Variants in PTPRN2 observed in about 807,000 individuals in gnomAD.
PTPRN2 encodes protein tyrosine phosphatase receptor type N2, also known as receptor-type tyrosine-protein phosphatase N2.
In PTPRN2, 74 loss-of-function variants were observed where a neutral mutation model predicts 118.8. That is an observed-to-expected ratio of 0.62 (90% CI 0.52 to 0.76). The LOEUF is 0.76. Among genes scored for constraint, PTPRN2 ranks in the 30% least tolerant of loss-of-function variants. The pLI, the probability that PTPRN2 is intolerant of heterozygous loss-of-function variation, is 0.00. For synonymous variants in PTPRN2, 641 were observed against 608.0 expected, an observed-to-expected ratio of 1.05 and a Z score of -0.80; for missense variants, 1,481 against 1,394.4, an observed-to-expected ratio of 1.06 and a Z score of -0.99.
intron 12 of PTPRN2, among the ~76,000 whole-genome samples, chr7:157,789,888 T>C: frequency 6.7e-6 from 1 of 149,436 alleles, no homozygotes. Flanking sequence ...TGTGCAGGTA[T>C]GTGTGTGGTA....
intron 1 of PTPRN2, among the ~76,000 whole-genome samples, chr7:158,494,338 G>A (rs1265667617): frequency 6.6e-6 from 1 of 152,254 alleles, no homozygotes; most frequent in Non-Finnish European, 1.5e-5. Context: ...CCCTTCCTGG[G>A]TTCAGGCTTC....
rs79780447 is a variant in PTPRN2 at position 157,977,341 on chromosome 7, G to A, written c.1724-78604C>T. The stretch of plus-strand genomic sequence containing the variant: ...TTCTGATCAGGGCTCTGAGCTCTGC[G>A]TCAAGTGGGAGGGGTTAATGTGCTC... On this transcript the variant is annotated intron_variant, in intron 11 of 22. Coordinates refer to ENST00000389418, the MANE Select transcript of PTPRN2 (RefSeq NM_002847.5). The surrounding 1 kb of genome is among the most constrained non-coding windows in gnomAD (Gnocchi z 4.6). Among the ~76,000 whole-genome samples, 593 of 152,006 alleles carry A rather than the reference G, an allele frequency of 3.9e-3. 5 individuals carry two copies. Among genetic ancestry groups the A allele is most frequent in the African/African-American group, 0.014 (562 of 41,536 alleles).
chr7:158,171,332 T>TAA, intron 5 of PTPRN2, among the ~76,000 whole-genome samples: 1 of 122,808 alleles, frequency 8.1e-6, no homozygotes, highest in South Asian at 2.5e-4. Context: ...TATATATATA[T>TAA]ATATATATAT....
intron 11 of PTPRN2, among the ~76,000 whole-genome samples, chr7:158,011,339 A>G (rs1010221996): frequency 3.9e-5 from 6 of 152,228 alleles, no homozygotes; most frequent in Non-Finnish European, 7.3e-5. Flanking sequence ...CCTCTTCTCT[A>G]TCATCTTTGT....
chr7:158,292,339 A>G (rs759167699), intron 3 of PTPRN2, among the ~76,000 whole-genome samples: 6 of 152,230 alleles, frequency 3.9e-5, no homozygotes, highest in Non-Finnish European at 8.8e-5. Context: ...TTCCATTAAC[A>G]CTAAAGAATG....
intron 2 of PTPRN2, among the ~76,000 whole-genome samples, chr7:158,488,869 C>A (rs1485762236): frequency 6.6e-6 from 1 of 152,258 alleles, no homozygotes; most frequent in Non-Finnish European, 1.5e-5. Flanking sequence ...TGGAGAAAGG[C>A]GGCTCCGCCC....
At chr7:158,063,923 C>T (rs1175878900) in intron 11 of PTPRN2, among the ~76,000 whole-genome samples, 1 of 152,190 alleles carries the variant, frequency 6.6e-6, no homozygotes, top group African/African-American at 2.4e-5. Flanking sequence ...CACTTACACA[C>T]ATATGTATGT....
intron 11 of PTPRN2, among the ~76,000 whole-genome samples, chr7:158,050,913 A>G (rs1322960730): frequency 6.6e-6 from 1 of 152,198 alleles, no homozygotes; most frequent in Non-Finnish European, 1.5e-5. Flanking sequence ...CTCCCGCTGG[A>G]AGTGCTCTCC....
intron 2 of PTPRN2, among the ~76,000 whole-genome samples, chr7:158,471,674 C>T (rs1027078044): frequency 1.3e-5 from 2 of 151,560 alleles, no homozygotes; most frequent in East Asian, 1.9e-4. Context: ...GGGGACAGAG[C>T]GAGACTCCGT....
At chr7:158,403,567 C>A (rs1047111040) in intron 2 of PTPRN2, among the ~76,000 whole-genome samples, 2 of 152,238 alleles carry the variant, frequency 1.3e-5, no homozygotes, top group African/African-American at 4.8e-5. Flanking sequence ...CTCCAAGGGC[C>A]ACTCTGGTGG....
At chr7:157,546,920 C>T (rs1474933449) in intron 22 of PTPRN2, among the ~76,000 whole-genome samples, 1 of 152,196 alleles carries the variant, frequency 6.6e-6, no homozygotes, top group Non-Finnish European at 1.5e-5. Context: ...GGAGGGTTTG[C>T]TCCTTGTGAT....
intron 3 of PTPRN2, among the ~76,000 whole-genome samples, chr7:158,313,140 G>T (rs560719193): frequency 2.0e-5 from 3 of 152,284 alleles, no homozygotes; most frequent in African/African-American, 7.2e-5. Context: ...GTCTACACGT[G>T]AGCATGTGAA....
chr7:157,852,625 C>A (rs552050295), intron 12 of PTPRN2, among the ~76,000 whole-genome samples: 128 of 152,230 alleles, frequency 8.4e-4, no homozygotes, highest in African/African-American at 3.0e-3. Context: ...AATCCCAGCA[C>A]TTTGGGAGGC....
intron 1 of PTPRN2, among the ~76,000 whole-genome samples, chr7:158,498,054 G>A (rs1822083665): frequency 6.6e-6 from 1 of 152,278 alleles, no homozygotes; most frequent in African/African-American, 2.4e-5. Flanking sequence ...CATCACAACG[G>A]TGATGTGTGT....
intron 12 of PTPRN2, among the ~76,000 whole-genome samples, chr7:157,696,213 G>A (rs13309970): frequency 3.3e-5 from 4 of 121,220 alleles, no homozygotes; most frequent in East Asian, 2.7e-4. Context: ...ACTGGGTCTT[G>A]GCAGAGCCCT....
chr7:158,447,769 G>T (rs1189867441), intron 2 of PTPRN2, among the ~76,000 whole-genome samples: 1 of 152,264 alleles, frequency 6.6e-6, no homozygotes, highest in Non-Finnish European at 1.5e-5. Context: ...CCAGGGAGCT[G>T]ACCTCTCTGC....
At chr7:158,369,268 T>TACACAC (rs59470664) in intron 2 of PTPRN2, among the ~76,000 whole-genome samples, 4 of 144,870 alleles carry the variant, frequency 2.8e-5, no homozygotes, top group African/African-American at 1.0e-4. Context: ...TATACACACA[T>TACACAC]ACACACACAC....
rs1239258667 is a variant in PTPRN2 at position 157,729,607 on chromosome 7, C to T, written c.1789-46670G>A. ...AAAAGGAGCTCTGCAGTGCCTGAGA[C>T]CTGCAAAGGGCCATCCTGGGGTCCG... On this transcript the variant is annotated intron_variant, in intron 12 of 22. Transcript: ENST00000389418. This position sits in a 1 kb window ranked among gnomAD's most constrained non-coding sequence, Gnocchi z 4.3. Among the ~76,000 whole-genome samples, 1 of 152,192 alleles carries T rather than the reference C, an allele frequency of 6.6e-6. No individual in the cohort carries two copies. Among genetic ancestry groups the T allele is most frequent in the African/African-American group, 2.4e-5 (1 of 41,444 alleles).
Position 157,986,482 on chromosome 7 carries a change from C to T in PTPRN2, c.1724-87745G>A, listed in dbSNP as rs954994737. Among the ~76,000 whole-genome samples the T allele has an allele frequency of 8.5e-5, 13 of 152,150 alleles. No individual in the cohort carries two copies. Among genetic ancestry groups the T allele is most frequent in the Middle Eastern group, 3.4e-3 (1 of 294 alleles). On this transcript the variant is annotated intron_variant, in intron 11 of 22. Coordinates refer to ENST00000389418, the MANE Select transcript of PTPRN2 (RefSeq NM_002847.5). This position sits in a 1 kb window ranked among gnomAD's most constrained non-coding sequence, Gnocchi z 4.5. ...GCTGGAGGTCAGAACTGGCTGCATC[C>T]GTCTCCATCTCCCCAAGCACAGGCC... is the stretch of plus-strand genomic sequence containing the variant.
Sources: allele counts gnomAD v4.1 joint callset (sites outside exome capture counted in the v4.1 genomes callset), GRCh38; gene constraint gnomAD v4.1.1; non-coding constraint Gnocchi (gnomAD v3.1); transcripts MANE v1.5; gene names NCBI Gene and HGNC (gene_info 2026-07-23, HGNC 2026-07-21).